Variants in SCMH1 observed in about 807,000 individuals in gnomAD.
SCMH1 encodes polycomb protein SCMH1.
In SCMH1, 37 loss-of-function variants were observed where a neutral mutation model predicts 70.8. That is an observed-to-expected ratio of 0.52 (90% CI 0.40 to 0.69). The LOEUF (loss-of-function observed/expected upper bound fraction) is 0.69, where lower values mean the gene tolerates loss of function less well. Ranked by LOEUF, SCMH1 falls within the 30% of genes least tolerant of loss-of-function variation. The pLI is 0.00. For missense variants in SCMH1, 607 were observed against 827.3 expected (o/e 0.73, Z 3.27); for synonymous variants, 292 against 307.4 (o/e 0.95, Z 0.52).
intron 1 of SCMH1, among the ~76,000 whole-genome samples, chr1:41,189,145 G>T (rs1036578408): frequency 2.0e-4 from 31 of 152,122 alleles, no homozygotes; most frequent in South Asian, 1.9e-3. Context: ...AGTTTTTTTT[G>T]TTGTTGTTGT....
intron 8 of SCMH1, among the ~76,000 whole-genome samples, chr1:41,109,428 G>A (rs921731999): frequency 6.6e-6 from 1 of 152,202 alleles, no homozygotes; most frequent in Non-Finnish European, 1.5e-5. Flanking sequence ...TACACACAGA[G>A]AACAACTTGT....
rs983702994 is a variant in SCMH1, at chr1:41,177,934, T to C, written c.13+8187A>G. On this transcript the variant is annotated intron_variant, in intron 2 of 14. Transcript: ENST00000337495. ...GAAGAGCAACTCCAAGACACATAAT[T>C]GTCAGATTCACCAAAGTTGAAATGA... Among the ~76,000 whole-genome samples, 2 of 152,072 alleles carry C rather than the reference T, an allele frequency of 1.3e-5. 1 individual carries two copies. The highest frequency in any genetic ancestry group is 4.2e-4 in the South Asian group (2 of 4,814).
chr1:41,135,901 G>C (rs1318383742), intron 6 of SCMH1, among the ~76,000 whole-genome samples: 2 of 151,592 alleles, frequency 1.3e-5, no homozygotes, highest in African/African-American at 4.8e-5. Context: ...ATCTACACAT[G>C]GTGCTTACTG....
chr1:41,220,731 T>C (rs1449243422), intron 1 of SCMH1, among the ~76,000 whole-genome samples: 2 of 152,210 alleles, frequency 1.3e-5, no homozygotes, highest in East Asian at 3.9e-4. Context: ...AGTCTGAAAA[T>C]AAAGTTCATA....
At chr1:41,034,164 G>T in intron 13 of SCMH1, 116 bp from the exon 14 acceptor site, 1 of 1,409,002 alleles carries the variant, frequency 7.1e-7, no homozygotes, top group Non-Finnish European at 9.5e-7. Context: ...CAAGGGAGCC[G>T]AGGCTAGAAT....
At chr1:41,117,905 C>T (rs1033524335) in intron 6 of SCMH1, among the ~76,000 whole-genome samples, 5 of 151,944 alleles carry the variant, frequency 3.3e-5, no homozygotes, top group Admixed American at 6.6e-5. Flanking sequence ...TAAATATCAG[C>T]GCAGCCTGGC....
At chr1:41,067,759 AACG>A (rs1234733603) in intron 10 of SCMH1, among the ~76,000 whole-genome samples, 1 of 152,190 alleles carries the variant, frequency 6.6e-6, no homozygotes, top group East Asian at 1.9e-4. Context: ...AAACCCACAG[AACG>A]TAAAACACCA....
intron 8 of SCMH1, among the ~76,000 whole-genome samples, chr1:41,097,257 T>C (rs768257995): frequency 6.6e-6 from 1 of 152,194 alleles, no homozygotes; most frequent in Non-Finnish European, 1.5e-5. Flanking sequence ...GTTGTTCATG[T>C]TTAGATCTAG....
At chr1:41,069,515 C>T (rs1185211308) in intron 10 of SCMH1, among the ~76,000 whole-genome samples, 1 of 151,986 alleles carries the variant, frequency 6.6e-6, no homozygotes, top group African/African-American at 2.4e-5. Context: ...GTATAACTGA[C>T]ACAAATCAAA....
intron 8 of SCMH1, among the ~76,000 whole-genome samples, chr1:41,084,451 G>A (rs1660975363): frequency 6.6e-6 from 1 of 152,164 alleles, no homozygotes; most frequent in Admixed American, 6.5e-5. Context: ...CAGTTAGAAT[G>A]GCGATCATTA....
At chr1:41,053,474 C>T (rs11209409) in intron 10 of SCMH1, among the ~76,000 whole-genome samples, 11,869 of 152,184 alleles carry the variant, frequency 0.078, 596 homozygotes, top group South Asian at 0.13. Flanking sequence ...AGCCACCCTG[C>T]AGGGAGGTCC....
intron 8 of SCMH1, among the ~76,000 whole-genome samples, chr1:41,102,655 C>G (rs1220924035): frequency 6.6e-6 from 1 of 152,182 alleles, no homozygotes; most frequent in African/African-American, 2.4e-5. Context: ...GATAGGACCA[C>G]AAACTTCAAA....
intron 8 of SCMH1, among the ~76,000 whole-genome samples, chr1:41,079,356 C>T (rs539120009): frequency 6.6e-6 from 1 of 151,482 alleles, no homozygotes; most frequent in Non-Finnish European, 1.5e-5. Flanking sequence ...CCAAAAAAAA[C>T]CCCCAGAACT....
chr1:41,075,356 C>T, exon 9 of SCMH1: 1 of 1,614,102 alleles, frequency 6.2e-7, no homozygotes, highest in Non-Finnish European at 8.5e-7. Flanking sequence ...CCCCTCTGCC[C>T]TGGTTGATGT....
At chr1:41,059,690 G>GA (rs1337135843) in intron 10 of SCMH1, among the ~76,000 whole-genome samples, 1 of 152,208 alleles carries the variant, frequency 6.6e-6, no homozygotes, top group African/African-American at 2.4e-5. Context: ...AGAGCTAAAA[G>GA]AGCACTGTAG....
intron 1 of SCMH1, among the ~76,000 whole-genome samples, chr1:41,224,838 A>T (rs1474845236): frequency 6.6e-6 from 1 of 152,174 alleles, no homozygotes; most frequent in African/African-American, 2.4e-5. Flanking sequence ...ACATAGGACA[A>T]ATGTCAGTTG....
intron 1 of SCMH1, among the ~76,000 whole-genome samples, chr1:41,222,601 G>T (rs1377751013): frequency 6.6e-6 from 1 of 152,136 alleles, no homozygotes; most frequent in Non-Finnish European, 1.5e-5. Context: ...ATTATGCCAA[G>T]GAACTCTACA....
chr1:41,199,399 A>G (rs896979795), intron 1 of SCMH1, among the ~76,000 whole-genome samples: 1 of 152,152 alleles, frequency 6.6e-6, no homozygotes, highest in African/African-American at 2.4e-5. Flanking sequence ...ATCATATCAT[A>G]TGTACTCTTT....
chr1:41,106,219 T>A (rs1232269397), intron 8 of SCMH1, among the ~76,000 whole-genome samples: 10 of 151,812 alleles, frequency 6.6e-5, no homozygotes, highest in Non-Finnish European at 1.2e-4. Context: ...TGCCCAAATC[T>A]CACGTCAAAC....
Sources: allele counts gnomAD v4.1 joint callset (sites outside exome capture counted in the v4.1 genomes callset), GRCh38; gene constraint gnomAD v4.1.1; transcripts MANE v1.5; gene names NCBI Gene and HGNC (gene_info 2026-07-23, HGNC 2026-07-21).